PKHD1: variants seen among roughly 807,000 people sequenced by gnomAD.
The protein encoded by PKHD1 is fibrocystin.
In PKHD1, 291 loss-of-function variants were observed where a neutral mutation model predicts 412.0. The observed-to-expected ratio is 0.71, with a 90% CI of 0.64 to 0.78. PKHD1 has a LOEUF of 0.78. PKHD1 is among the 30% of genes least tolerant of loss of function. The pLI is 0.00. For missense variants in PKHD1, 4,825 were observed against 4,950.7 expected (o/e 0.97, Z 0.76); for synonymous variants, 1,777 against 1,821.5 (o/e 0.98, Z 0.62).
intron 43 of PKHD1, among the ~76,000 whole-genome samples, chr6:51,891,712 A>AACACACAC (rs58262423): frequency 0.011 from 1,637 of 143,830 alleles, 21 homozygotes; most frequent in African/African-American, 0.032. Flanking sequence ...TTCCACAAGG[A>AACACACAC]ACACACACAC....
In PKHD1 at chr6:52,017,531, T is replaced by C. The variant is rs1416462963; in HGVS notation, c.5479A>G (p.Thr1827Ala). 1 of 1,613,830 alleles carries C rather than the reference T, an allele frequency of 6.2e-7. No homozygotes were observed. Among genetic ancestry groups the C allele is most frequent in the Non-Finnish European group, 8.5e-7 (1 of 1,179,662 alleles). ...GGCCACGATTCAAGCAGTTGCTCTG[T>C]CGCCATGGCAACTGTCAAATCACAC... ...VQCDLTVAMA[T>A]EQLLESWPYL... Residue 1827 changes from threonine to alanine, a missense_variant, in exon 34 of 67, where the codon ACA (threonine) becomes GCA (alanine). Coordinates refer to ENST00000371117, the MANE Select transcript of PKHD1 (RefSeq NM_138694.4).
At chr6:51,941,016 AC>A (rs1189701905) in intron 36 of PKHD1, among the ~76,000 whole-genome samples, 2 of 149,692 alleles carry the variant, frequency 1.3e-5, no homozygotes, top group Admixed American at 1.3e-4. Context: ...GCTGCCCTTT[AC>A]CCCAGTTCAA....
intron 37 of PKHD1, among the ~76,000 whole-genome samples, chr6:51,927,726 C>T (rs1785901260): frequency 6.6e-6 from 1 of 152,052 alleles, no homozygotes; most frequent in Admixed American, 6.6e-5. Flanking sequence ...GCAGGGGAAA[C>T]AATTAGAGAA....
rs138183954 is a variant in PKHD1 at position 51,783,569 on chromosome 6, T to C, written c.8441-7648A>G. ...TTGGGTCAATAACAAGTTAACAGCA[T>C]TGATATCTAAAACAACAAGGAACAT... is the stretch of plus-strand genomic sequence containing the variant. On this transcript the variant is annotated intron_variant, in intron 53 of 66. Coordinates refer to ENST00000371117, the MANE Select transcript of PKHD1 (RefSeq NM_138694.4). Among the ~76,000 whole-genome samples the C allele has an allele frequency of 1.3e-3, 195 of 152,070 alleles. 2 individuals carry two copies. The highest frequency in any genetic ancestry group is 4.4e-3 in the African/African-American group (182 of 41,536).
chr6:51,810,338 G>A (rs938609653), intron 52 of PKHD1, among the ~76,000 whole-genome samples: 1 of 151,900 alleles, frequency 6.6e-6, no homozygotes. Context: ...ACATTCAAGA[G>A]GAAGACAGCA....
chr6:51,659,833 T>G lies in PKHD1; in HGVS notation c.10293A>C (p.Val3431=). ...IWAIQKLYPV[V]SVTSGFVDVF... Reference sequence around the variant, plus strand: ...CATCAACAAAACCACTAGTCACAGATACAACTGGATATAACTTCTGAATTG... The same window carrying G: ...CATCAACAAAACCACTAGTCACAGAGACAACTGGATATAACTTCTGAATTG... Residue 3431 remains valine (V), a synonymous_variant, in exon 61 of 67, where the codon GTA becomes GTC. Coordinates refer to ENST00000371117, the MANE Select transcript of PKHD1 (RefSeq NM_138694.4). The G allele has an allele frequency of 6.2e-7, 1 of 1,613,870 alleles. No homozygotes were observed. The highest frequency in any genetic ancestry group is 8.5e-7 in the Non-Finnish European group (1 of 1,179,860).
chr6:51,743,852 A>T (rs1399619219), intron 60 of PKHD1, among the ~76,000 whole-genome samples: 1 of 152,214 alleles, frequency 6.6e-6, no homozygotes, highest in Non-Finnish European at 1.5e-5. Flanking sequence ...ATAAAAATTG[A>T]CATAAAAGGG....
At chr6:51,745,450 G>A (rs1326609) in intron 59 of PKHD1, among the ~76,000 whole-genome samples, 48,259 of 152,020 alleles carry the variant, frequency 0.32, 9,513 homozygotes, top group East Asian at 0.68. Flanking sequence ...GAAGATGCAC[G>A]AACAAGGCAC....
intron 35 of PKHD1, among the ~76,000 whole-genome samples, chr6:52,003,545 T>C (rs1798696293): frequency 6.6e-6 from 1 of 152,166 alleles, no homozygotes. Context: ...AATCTGGTTT[T>C]TCTCCCCACC....
In PKHD1 at chr6:51,934,100, C is replaced by T. The variant is rs745924449; in HGVS notation, c.6121+10G>A. 13 of 1,588,102 alleles carry T rather than the reference C, an allele frequency of 8.2e-6. No individual in the cohort carries two copies. In the South Asian group the frequency reaches 9.9e-5, roughly 12 times the overall value. ...CTACTTCATTTCCTCTGATCAATTG[C>T]CTCACTCACCGTGCAGAGAAAGAGT... On this transcript the variant is annotated intron_variant, in intron 37 of 66. Coordinates refer to ENST00000371117, the MANE Select transcript of PKHD1 (RefSeq NM_138694.4).
intron 28 of PKHD1, among the ~76,000 whole-genome samples, chr6:52,035,185 T>C (rs1803738544): frequency 6.6e-6 from 1 of 152,214 alleles, no homozygotes; most frequent in South Asian, 2.1e-4. Flanking sequence ...AGTTCTACAA[T>C]TAATACCCAT....
In PKHD1 at chr6:52,033,074, T is replaced by C. The variant is rs1162008544; in HGVS notation, c.3320A>G (p.Asn1107Ser). ...PRAFTYVSSL[N>S]PVIVTLSRNI... ...TCTGCTCAGAGTCACAATAACTGGA[T>C]TTAAGGAAGAGACATATGTAAATGC... Residue 1107 changes from asparagine to serine, a missense_variant, in exon 29 of 67, where the codon AAT (asparagine) becomes AGT (serine). Coordinates refer to ENST00000371117, the MANE Select transcript of PKHD1 (RefSeq NM_138694.4). 3.1e-6 allele frequency: 5 copies of C among 1,612,280 alleles called. No homozygotes were observed. Among genetic ancestry groups the C allele is most frequent in the Admixed American group, 3.3e-5 (2 of 60,018 alleles).
At chr6:51,769,565 C>T (rs73426069) in intron 55 of PKHD1, among the ~76,000 whole-genome samples, 27,983 of 151,190 alleles carry the variant, frequency 0.19, 3,384 homozygotes, top group African/African-American at 0.34. Context: ...TAAACCACTA[C>T]CTCTTTTTAA....
intron 49 of PKHD1, among the ~76,000 whole-genome samples, chr6:51,854,501 C>G (rs907801402): frequency 2.1e-4 from 32 of 152,140 alleles, no homozygotes; most frequent in African/African-American, 7.5e-4. Flanking sequence ...TCTGGGCTGC[C>G]GGGATTCCTC....
At chr6:51,985,700 G>T (rs758716542) in intron 35 of PKHD1, among the ~76,000 whole-genome samples, 6 of 152,186 alleles carry the variant, frequency 3.9e-5, no homozygotes, top group Non-Finnish European at 5.9e-5. Flanking sequence ...CTGCACTCCA[G>T]CCTGGGCAAC....
chr6:51,829,288 C>T (rs1178537959), intron 52 of PKHD1, among the ~76,000 whole-genome samples: 1 of 131,600 alleles, frequency 7.6e-6, no homozygotes. Context: ...AGCCAGGGAT[C>T]CCGGGACCCA....
chr6:51,764,583 T>G (rs959204939), intron 55 of PKHD1, among the ~76,000 whole-genome samples: 2 of 150,990 alleles, frequency 1.3e-5, no homozygotes, highest in Non-Finnish European at 3.0e-5. Flanking sequence ...CAAATGACTA[T>G]AAATCATGCT....
Position 51,917,695 on chromosome 6 carries a change from C to T in PKHD1, c.6122-5119G>A, listed in dbSNP as rs572422247. 1.6e-3 allele frequency among the ~76,000 whole-genome samples: 237 copies of T among 152,178 alleles called. 1 individual carries two copies. The highest frequency in any genetic ancestry group is 5.0e-3 in the African/African-American group (209 of 41,518). On this transcript the variant is annotated intron_variant, in intron 37 of 66. Transcript: ENST00000371117. ...GATGTGTAAGATGGTGGGGGACATT[C>T]GAATAACTGCTACATATGTGGCATG...
intron 37 of PKHD1, among the ~76,000 whole-genome samples, chr6:51,913,009 A>G (rs1360488066): frequency 4.6e-5 from 7 of 152,106 alleles, no homozygotes; most frequent in African/African-American, 7.2e-5. Context: ...AATAGTATCT[A>G]TGAAACATCT....
Sources: gnomAD v4.1 joint callset for allele counts (sites outside exome capture counted in the v4.1 genomes callset) on GRCh38, gnomAD v4.1.1 for gene constraint, MANE v1.5 for transcripts, NCBI Gene and HGNC (gene_info 2026-07-23, HGNC 2026-07-21) for gene names.